NBPF14: variants seen among roughly 807,000 people sequenced by gnomAD.
NBPF14 encodes NBPF family member NBPF14.
A neutral mutation model predicts 91.2 loss-of-function variants in NBPF14; 104 were observed. The observed-to-expected ratio is 1.14, with a 90% CI of 0.97 to 1.34. NBPF14 has a LOEUF of 1.34. Ranked by LOEUF, NBPF14 falls within the 40% of genes most tolerant of loss-of-function variation. NBPF14 has a pLI of 0.00. For missense variants in NBPF14, 908 were observed against 783.0 expected (o/e 1.16, Z -1.91); for synonymous variants, 294 against 303.8 (o/e 0.97, Z 0.34).
chr1:148,533,657 G>A (rs1246636626), intron 70 of NBPF14, among the ~76,000 whole-genome samples: 2 of 148,828 alleles, frequency 1.3e-5, no homozygotes, highest in East Asian at 2.0e-4. Flanking sequence ...TTGAAGTATG[G>A]TCAACCTATG....
chr1:148,575,986 A>G (rs1659629012), intron 16 of NBPF14, among the ~76,000 whole-genome samples, 175 bp from the exon 17 acceptor site: 1 of 144,110 alleles, frequency 6.9e-6, no homozygotes, highest in African/African-American at 2.6e-5. Context: ...GGTAGAAAAG[A>G]ATGAAAGAGA....
intron 14 of NBPF14, 43 bp from the exon 15 acceptor site, chr1:148,577,398 A>C (rs1660022047): frequency 9.2e-6 from 6 of 651,032 alleles, no homozygotes; most frequent in Non-Finnish European, 1.1e-5. Context: ...AGGGGGAATC[A>C]GAAACCACAC....
intron 13 of NBPF14, among the ~76,000 whole-genome samples, 168 bp downstream of exon 13, chr1:148,578,906 C>T (rs1257173547): frequency 2.7e-5 from 4 of 148,028 alleles, no homozygotes; most frequent in African/African-American, 9.9e-5. Context: ...CCACCCCATG[C>T]CTGTGCTTCA....
exon 63 of NBPF14, chr1:148,539,471 G>A (rs2149482496): frequency 6.3e-6 from 2 of 315,978 alleles, no homozygotes; most frequent in East Asian, 6.0e-5. Context: ...CACTGCTGTA[G>A]GGCTGGCCTA....
chr1:148,533,755 T>C, intron 70 of NBPF14, 106 bp downstream of exon 70: 1 of 760,622 alleles, frequency 1.3e-6, no homozygotes, highest in Non-Finnish European at 2.4e-6. Context: ...GTAGGAGTAA[T>C]TCAGCCTTTG....
intron 5 of NBPF14, 130 bp downstream of exon 5, chr1:148,591,302 G>A (rs1462054293): frequency 2.2e-6 from 3 of 1,392,390 alleles, no homozygotes; most frequent in East Asian, 4.5e-5. Context: ...GTCTAAGCTG[G>A]GTTGAATTTC....
At chr1:148,561,982 A>T (rs1657902013) in intron 34 of NBPF14, among the ~76,000 whole-genome samples, 1 of 69,236 alleles carries the variant, frequency 1.4e-5, no homozygotes, top group Non-Finnish European at 2.4e-5. Context: ...AAATGTGCTC[A>T]AGTTTCCATG....
chr1:148,566,243 A>T lies in NBPF14; in HGVS notation c.3615T>A (p.Thr1205=), dbSNP rs1358952472. The change falls in exon 29 of 71, where the codon ACT becomes ACA. Residue 1205 remains threonine, a synonymous_variant. Coordinates refer to ENST00000619423, the Ensembl canonical transcript of NBPF14. Reference sequence around the variant, plus strand: ...CAGGCTGTTCAAGACAACTGGAAGGAGTTGAATAACATCTATCCAGTGAGT... The same window carrying T: ...CAGGCTGTTCAAGACAACTGGAAGGTGTTGAATAACATCTATCCAGTGAGT... The T allele has an allele frequency of 4.2e-5, 26 of 619,358 alleles. 2 individuals carry two copies. In the Admixed American group the frequency reaches 5.8e-4, roughly 14 times the overall value. 38.4% of individuals were successfully genotyped at this position (619,358 alleles called of 1,614,324 possible).
chr1:148,581,549 CA>C (rs1311978075), intron 12 of NBPF14, among the ~76,000 whole-genome samples: 20 of 151,894 alleles, frequency 1.3e-4, no homozygotes, highest in Middle Eastern at 3.4e-3. Context: ...AATTTTCAAC[CA>C]AGAATTTCAT....
At chr1:148,590,117 C>T (rs1485434717) in intron 6 of NBPF14, among the ~76,000 whole-genome samples, 1 of 133,802 alleles carries the variant, frequency 7.5e-6, no homozygotes, top group African/African-American at 2.8e-5. Context: ...GGCACAATCT[C>T]GGCTCACTGC....
rs797042101 is a variant in NBPF14 at position 148,533,773 on chromosome 1, T to G, written c.8723+88A>C. The G allele has an allele frequency of 1.9e-4, 142 of 762,134 alleles. 2 individuals carry two copies. In the East Asian group the frequency reaches 2.0e-3, roughly 11 times the overall value. The allele number at this position is 762,134 out of a possible 1,614,324, so 47.2% of individuals were successfully genotyped here. On this transcript the variant is annotated intron_variant, in intron 70 of 70. Coordinates refer to ENST00000619423, the Ensembl canonical transcript of NBPF14. Reference sequence around the variant, plus strand: ...GGAGTAATTCAGCCTTTGTTGAAAATATGACATCAAACACACTCTGGTTTC... The same window carrying G: ...GGAGTAATTCAGCCTTTGTTGAAAAGATGACATCAAACACACTCTGGTTTC...
At position 148,533,655 on chromosome 1, in the gene NBPF14, T is replaced by A. The variant is rs1269005006; in HGVS notation, c.8723+206A>T. Among the ~76,000 whole-genome samples, 5 of 148,596 alleles carry A rather than the reference T, an allele frequency of 3.4e-5. No individual in the cohort carries two copies. The East Asian group carries it at 8.1e-4, about 24-fold the overall frequency. ...CCATGAGAGTACAGCTTTTGAAGTA[T>A]GGTCAACCTATGGTACGTTAGGAAA... On this transcript the variant is annotated intron_variant, in intron 70 of 70. Transcript: ENST00000619423.
chr1:148,534,533 G>C (rs1410514726), intron 69 of NBPF14, 151 bp downstream of exon 69: 4 of 710,248 alleles, frequency 5.6e-6, no homozygotes, highest in South Asian at 1.5e-5. Context: ...TTCCAGCTGA[G>C]ACTACAGTTT....
intron 68 of NBPF14, 26 bp from the exon 69 acceptor site, chr1:148,534,882 A>G: frequency 4.0e-6 from 3 of 755,250 alleles, no homozygotes; most frequent in Non-Finnish European, 7.2e-6. Flanking sequence ...AAAGTAAAGA[A>G]TAAGCCAGGG....
At chr1:148,566,348 A>G (rs1658260758) in intron 28 of NBPF14, 33 bp from the exon 29 acceptor site, 3 of 753,138 alleles carry the variant, frequency 4.0e-6, no homozygotes, top group East Asian at 2.8e-5. Flanking sequence ...AGAATAAGCC[A>G]GGGGAAATCA....
chr1:148,576,796 C>G (rs1288630964), intron 15 of NBPF14, among the ~76,000 whole-genome samples: 13 of 149,266 alleles, frequency 8.7e-5, no homozygotes, highest in Non-Finnish European at 1.8e-4. Context: ...ACTATTCAGC[C>G]CTGTCTCATC....
At chr1:148,559,702 T>A (rs1260556492) in intron 37 of NBPF14, 91 bp downstream of exon 37, 12 of 719,468 alleles carry the variant, frequency 1.7e-5, no homozygotes, top group African/African-American at 2.7e-5. Context: ...CAATGACATC[T>A]CTCAGCTCAG....
chr1:148,534,595 C>T (rs1178560140), intron 69 of NBPF14, 89 bp downstream of exon 69: 10 of 875,820 alleles, frequency 1.1e-5, no homozygotes, highest in Non-Finnish European at 1.8e-5. Context: ...TGACATCTCT[C>T]GGGTGAGTAA....
At position 148,592,723 on chromosome 1, in the gene NBPF14, G is replaced by A. The variant is rs1662701663; in HGVS notation, c.322C>T (p.Gln108Ter). 1.2e-4 allele frequency: 194 copies of A among 1,586,156 alleles called. 14 individuals are homozygous for A. The South Asian group carries it at 2.1e-3, about 17-fold the overall frequency. ...CCTTCCCGTAACTTCTCCCTTAGCT[G>A]GGTCAGCTCTCGTTCCTGAGAGTGA... Residue 108 changes from glutamine to a stop codon, truncating the protein, a stop_gained, in exon 4 of 71, where the codon CAG (glutamine) becomes TAG (stop). Transcript: ENST00000619423. LOFTEE classifies it high-confidence loss of function.
Sources: gnomAD v4.1 joint callset for allele counts (sites outside exome capture counted in the v4.1 genomes callset) on GRCh38, gnomAD v4.1.1 for gene constraint, MANE v1.5 for transcripts, NCBI Gene and HGNC (gene_info 2026-07-23, HGNC 2026-07-21) for gene names.